WFDC1: variants seen among roughly 807,000 people sequenced by gnomAD.
WFDC1 encodes the protein WAP four-disulfide core domain protein 1.
A neutral mutation model predicts 32.9 loss-of-function variants in WFDC1; 39 were observed. The observed-to-expected ratio is 1.19, with a 90% CI of 0.92 to 1.55. WFDC1 has a LOEUF of 1.55. Among genes scored for constraint, WFDC1 ranks in the 40% most tolerant of loss-of-function variants. WFDC1 has a pLI of 0.00. For missense variants in WFDC1, 386 were observed against 309.5 expected, an observed-to-expected ratio of 1.25 and a Z score of -1.85; for synonymous variants, 184 against 137.4, an observed-to-expected ratio of 1.34 and a Z score of -2.37.
intron 1 of WFDC1, among the ~76,000 whole-genome samples, chr16:84,308,873 G>T (rs1315055408): frequency 6.6e-6 from 1 of 150,684 alleles, no homozygotes; most frequent in Non-Finnish European, 1.5e-5. Context: ...GTAGACGCCA[G>T]CCTGGGCATA....
chr16:84,325,938 A>ACATC (rs1256209902), intron 5 of WFDC1: 1 of 149,130 alleles, frequency 6.7e-6, no homozygotes, highest in African/African-American at 2.5e-5. Context: ...ATCCATTCAT[A>ACATC]CATCCATCCA....
intron 4 of WFDC1, among the ~76,000 whole-genome samples, chr16:84,320,258 A>G (rs899385538): frequency 2.6e-5 from 4 of 152,198 alleles, no homozygotes; most frequent in African/African-American, 9.7e-5. Context: ...CGGCTAAGGT[A>G]TGGTGTTCAG....
rs569726622 is a variant in WFDC1, at chr16:84,311,953, G to A, written c.145-1008G>A. ...GGCTGAGGCAGGCGGATCACCTGAG[G>A]TAGGGAGGTCCAGACCAGCCTGGCC... On this transcript the variant is annotated intron_variant, in intron 1 of 6. Transcript: ENST00000219454. Among the ~76,000 whole-genome samples the A allele has an allele frequency of 3.3e-5, 5 of 152,148 alleles. No homozygotes were observed. In the South Asian group the frequency reaches 1.0e-3, roughly 32 times the overall value.
intron 5 of WFDC1, among the ~76,000 whole-genome samples, chr16:84,325,041 A>G (rs1476431670): frequency 6.6e-6 from 1 of 151,726 alleles, no homozygotes; most frequent in African/African-American, 2.4e-5. Context: ...ATATTCATCT[A>G]TCTTTTCACC....
chr16:84,321,220 T>C (rs1454941175), intron 4 of WFDC1, among the ~76,000 whole-genome samples: 1 of 152,256 alleles, frequency 6.6e-6, no homozygotes, highest in Non-Finnish European at 1.5e-5. Flanking sequence ...TTCATAATAC[T>C]TGAGGTACTT....
chr16:84,318,640 A>C lies in WFDC1; in HGVS notation c.421+285A>C. 3 of 336,580 alleles carry C rather than the reference A, an allele frequency of 8.9e-6. 1 individual carries two copies. In the South Asian group the frequency reaches 1.1e-4, roughly 13 times the overall value. 20.8% of individuals were successfully genotyped at this position (336,580 alleles called of 1,614,324 possible). A position where few individuals can be genotyped will look rare whatever the true frequency, so the allele number is the denominator to read the frequency against. On this transcript the variant is annotated intron_variant, in intron 3 of 6. Transcript: ENST00000219454. ...GGGAGGGGGCTTAGGGTTGGTTTTC[A>C]AATTCCTAGAATTCTAGGGGGTTCA...
At chr16:84,327,033 T>G in intron 6 of WFDC1, 78 bp downstream of exon 6, 1 of 1,454,680 alleles carries the variant, frequency 6.9e-7, no homozygotes, top group Non-Finnish European at 9.6e-7. Context: ...ACCACCAGGT[T>G]GAGGAGCAGG....
chr16:84,306,088 C>T (rs1016417589), intron 1 of WFDC1, among the ~76,000 whole-genome samples: 12 of 151,842 alleles, frequency 7.9e-5, no homozygotes, highest in African/African-American at 2.2e-4. Flanking sequence ...TAGCATTGCC[C>T]GTGCTGAGCC....
chr16:84,320,900 G>C lies in WFDC1; in HGVS notation c.562+1329G>C, dbSNP rs1004123367. 3.9e-5 allele frequency among the ~76,000 whole-genome samples: 6 copies of C among 152,002 alleles called. No individual in the cohort carries two copies. The South Asian group carries it at 1.2e-3, about 32-fold the overall frequency. On this transcript the variant is annotated intron_variant, in intron 4 of 6. Transcript: ENST00000219454. ...TTCTGATTTGAGAATGTTTTTCTCT[G>C]AAGTGTTTCAAGAAAGGCATAGACG... is the stretch of plus-strand genomic sequence containing the variant.
intron 4 of WFDC1, among the ~76,000 whole-genome samples, chr16:84,321,588 A>C (rs1908306804): frequency 6.6e-6 from 1 of 152,210 alleles, no homozygotes; most frequent in Admixed American, 6.5e-5. Flanking sequence ...CCAAGGTCAA[A>C]CCAAGTCAAA....
intron 4 of WFDC1, among the ~76,000 whole-genome samples, chr16:84,322,945 A>G (rs2151379730): frequency 6.6e-6 from 1 of 152,268 alleles, no homozygotes; most frequent in East Asian, 1.9e-4. Context: ...GAGAAAAGTG[A>G]CGAGTAATCA....
At chr16:84,318,181 C>A in intron 2 of WFDC1, 91 bp from the exon 3 acceptor site, 3 of 1,158,492 alleles carry the variant, frequency 2.6e-6, no homozygotes, top group Non-Finnish European at 3.9e-6. Flanking sequence ...AGCCTCTGTG[C>A]TGTCATGAAG....
intron 1 of WFDC1, among the ~76,000 whole-genome samples, chr16:84,309,955 A>G (rs1481129347): frequency 1.3e-5 from 2 of 152,084 alleles, no homozygotes; most frequent in Non-Finnish European, 2.9e-5. Flanking sequence ...AAAATGCAGA[A>G]TCATCTCCCC....
chr16:84,323,275 C>T (rs1033463735), intron 4 of WFDC1, among the ~76,000 whole-genome samples: 1 of 152,160 alleles, frequency 6.6e-6, no homozygotes, highest in African/African-American at 2.4e-5. Flanking sequence ...GGCCACAAAA[C>T]AAAAGAAAAA....
chr16:84,311,893 C>T (rs547308794), intron 1 of WFDC1, among the ~76,000 whole-genome samples: 22 of 151,952 alleles, frequency 1.4e-4, no homozygotes, highest in African/African-American at 5.1e-4. Context: ...GGGCCAGGCG[C>T]GGTGGCTCAC....
At chr16:84,315,137 C>G (rs77443510) in intron 2 of WFDC1, among the ~76,000 whole-genome samples, 1 of 152,240 alleles carries the variant, frequency 6.6e-6, no homozygotes, top group South Asian at 2.1e-4. Flanking sequence ...GCCCTGGCAC[C>G]TGTACCCACG....
chr16:84,301,156 C>G (rs1906908461), intron 1 of WFDC1, among the ~76,000 whole-genome samples: 1 of 152,142 alleles, frequency 6.6e-6, no homozygotes, highest in South Asian at 2.1e-4. Flanking sequence ...AAGGTTTTCT[C>G]CTTAGAGCCT....
chr16:84,299,457 G>A (rs572386769), intron 1 of WFDC1, among the ~76,000 whole-genome samples: 4 of 152,034 alleles, frequency 2.6e-5, no homozygotes, highest in African/African-American at 7.2e-5. Context: ...GAAGCAGAAC[G>A]TTTGTAAATA....
At chr16:84,325,346 G>C (rs959205744) in intron 5 of WFDC1, among the ~76,000 whole-genome samples, 1 of 152,102 alleles carries the variant, frequency 6.6e-6, no homozygotes, top group Non-Finnish European at 1.5e-5. Flanking sequence ...GGGATTACAG[G>C]TGTCCGCCAC....
Sources: allele counts gnomAD v4.1 joint callset (sites outside exome capture counted in the v4.1 genomes callset), GRCh38; gene constraint gnomAD v4.1.1; transcripts MANE v1.5; gene names NCBI Gene and HGNC (gene_info 2026-07-23, HGNC 2026-07-21).